MYO5C: variants seen among roughly 807,000 people sequenced by gnomAD.
MYO5C encodes unconventional myosin-Vc.
MYO5C carries 194 observed loss-of-function variants against 235.7 expected under a neutral mutation model. The ratio of observed to expected loss-of-function variants is 0.82; its 90% CI spans 0.73 to 0.93. The LOEUF (loss-of-function observed/expected upper bound fraction) is 0.93, where lower values mean the gene tolerates loss of function less well. MYO5C is among the 40% of genes least tolerant of loss of function. The pLI, the probability that MYO5C is intolerant of heterozygous loss-of-function variation, is 0.00. For synonymous variants in MYO5C, 707 were observed against 754.8 expected (o/e 0.94, Z 1.04); for missense variants, 2,038 against 2,127.2 (o/e 0.96, Z 0.82).
intron 14 of MYO5C, 62 bp downstream of exon 14, chr15:52,248,638 A>G: frequency 8.7e-7 from 1 of 1,153,522 alleles, no homozygotes; most frequent in Non-Finnish European, 1.3e-6. Flanking sequence ...CTCTTTCCTT[A>G]TATACATCTA....
chr15:52,277,721 T>A (rs952269206), intron 4 of MYO5C: 1 of 399,854 alleles, frequency 2.5e-6, no homozygotes, highest in Non-Finnish European at 4.9e-6. Context: ...TCCCTGAGGA[T>A]GACGGCCCCA....
intron 5 of MYO5C, among the ~76,000 whole-genome samples, chr15:52,273,472 T>A (rs567056313): frequency 3.9e-4 from 60 of 152,370 alleles, no homozygotes; most frequent in African/African-American, 1.4e-3. Context: ...TATGTATTGG[T>A]ATCATAAGGT....
At chr15:52,204,791 C>T (rs1161697565) in intron 38 of MYO5C, 74 bp downstream of exon 38, 7 of 1,523,964 alleles carry the variant, frequency 4.6e-6, no homozygotes, top group Admixed American at 3.8e-5. Flanking sequence ...GAGGGTCAGG[C>T]GCGTGGGGCC....
intron 1 of MYO5C, among the ~76,000 whole-genome samples, chr15:52,287,264 G>A (rs2037296133): frequency 6.6e-6 from 1 of 152,202 alleles, no homozygotes; most frequent in Admixed American, 6.5e-5. Context: ...ACACACTCTT[G>A]TGCAGATAGG....
At chr15:52,217,665 C>G (rs976087079) in intron 32 of MYO5C, among the ~76,000 whole-genome samples, 1 of 152,190 alleles carries the variant, frequency 6.6e-6, no homozygotes, top group African/African-American at 2.4e-5. Flanking sequence ...ATGTCAAACT[C>G]CTGGAATTTC....
At position 52,288,557 on chromosome 15, in the gene MYO5C, G is replaced by A. The variant is rs1427019756; in HGVS notation, c.28-5665C>T. Among the ~76,000 whole-genome samples, 6 of 152,144 alleles carry A rather than the reference G, an allele frequency of 3.9e-5. No individual in the cohort carries two copies. In the South Asian group the frequency reaches 6.2e-4, roughly 16 times the overall value. ...AACAACGGTGAGTTTACTCAGCTCC[G>A]GGTAAGTTCCACCCATTCATTCCTG... On this transcript the variant is annotated intron_variant, in intron 1 of 40. Transcript: ENST00000261839.
At chr15:52,285,282 C>A (rs1051428559) in intron 1 of MYO5C, among the ~76,000 whole-genome samples, 1 of 151,992 alleles carries the variant, frequency 6.6e-6, no homozygotes, top group Non-Finnish European at 1.5e-5. Flanking sequence ...GCAGGATAAT[C>A]GCTTGAACCC....
chr15:52,227,397 C>T (rs899044820), intron 25 of MYO5C, among the ~76,000 whole-genome samples: 1 of 150,206 alleles, frequency 6.7e-6, no homozygotes, highest in Non-Finnish European at 1.5e-5. Flanking sequence ...TGGGGTTTCA[C>T]CGTGTTAACT....
intron 2 of MYO5C, 147 bp downstream of exon 2, chr15:52,282,634 AC>A (rs2037182484): frequency 1.6e-6 from 1 of 643,416 alleles, no homozygotes; most frequent in African/African-American, 1.8e-5. Flanking sequence ...GAGTCCCGGC[AC>A]CAGGAGGCCA....
intron 8 of MYO5C, 54 bp downstream of exon 8, chr15:52,269,699 T>TC: frequency 7.5e-7 from 1 of 1,341,574 alleles, no homozygotes; most frequent in Non-Finnish European, 1.1e-6. Context: ...CCTTAATTTT[T>TC]TTTTTTTTTT....
intron 19 of MYO5C, chr15:52,242,757 G>A (rs1377999034): frequency 6.6e-6 from 1 of 152,362 alleles, no homozygotes; most frequent in Non-Finnish European, 1.5e-5. Context: ...ATCTGTAAGT[G>A]AGAGGGGAAA....
intron 7 of MYO5C, 149 bp downstream of exon 7, chr15:52,271,614 T>C: frequency 4.4e-6 from 2 of 452,446 alleles, no homozygotes; most frequent in Non-Finnish European, 3.9e-6. Flanking sequence ...TCCCCTTAAT[T>C]AGATGCACCA....
At position 52,282,885 on chromosome 15, in the gene MYO5C, C is replaced by G; in HGVS notation, c.35G>C (p.Arg12Thr). The stretch of plus-strand genomic sequence containing the variant: ...TTCTTCAGGATCGGGAATCCAGACC[C>G]TGTTGTACTGACCAACAGGATGAGA... ...AVAELYTQYN[R>T]VWIPDPEEVW... is the part of the protein sequence containing the mutation. Residue 12 changes from arginine (R) to threonine (T), a missense_variant, in exon 2 of 41, where the codon AGG (arginine) becomes ACG (threonine). By Grantham distance (71) the Arg-to-Thr change is moderately conservative. Coordinates refer to ENST00000261839, the MANE Select transcript of MYO5C (RefSeq NM_018728.4). The G allele has an allele frequency of 6.2e-7, 1 of 1,608,076 alleles. No homozygotes were observed. The highest frequency in any genetic ancestry group is 8.5e-7 in the Non-Finnish European group (1 of 1,174,442).
intron 34 of MYO5C, 79 bp from the exon 35 acceptor site, chr15:52,211,963 G>A: frequency 1.4e-6 from 2 of 1,466,310 alleles, no homozygotes; most frequent in Middle Eastern, 4.7e-4. Flanking sequence ...AGGGGCAGGG[G>A]CTTGTTTGCT....
At chr15:52,261,783 A>T (rs1232591636) in intron 9 of MYO5C, among the ~76,000 whole-genome samples, 3 of 152,228 alleles carry the variant, frequency 2.0e-5, no homozygotes, top group Non-Finnish European at 4.4e-5. Flanking sequence ...ATTTCCCTTC[A>T]GCCAGTGTGG....
At chr15:52,218,359 C>T (rs1372797579) in intron 32 of MYO5C, among the ~76,000 whole-genome samples, 160 bp downstream of exon 32, 1 of 152,216 alleles carries the variant, frequency 6.6e-6, no homozygotes, top group Non-Finnish European at 1.5e-5. Context: ...CCAAAGCCAA[C>T]CTCAGAGACC....
At chr15:52,245,642 G>A (rs764251785) in intron 17 of MYO5C, among the ~76,000 whole-genome samples, 177 bp from the exon 18 acceptor site, 9 of 152,172 alleles carry the variant, frequency 5.9e-5, no homozygotes, top group Non-Finnish European at 1.2e-4. Flanking sequence ...AGACCACCCT[G>A]AGCACTCCTG....
At chr15:52,271,718 C>T (rs371210713) in intron 7 of MYO5C, 45 bp downstream of exon 7, 2 of 1,093,396 alleles carry the variant, frequency 1.8e-6, no homozygotes, top group African/African-American at 1.6e-5. Context: ...AGAATTTAAG[C>T]CCTCCATAAA....
chr15:52,274,431 C>A (rs1421945628), intron 5 of MYO5C, among the ~76,000 whole-genome samples: 1 of 152,132 alleles, frequency 6.6e-6, no homozygotes, highest in African/African-American at 2.4e-5. Flanking sequence ...ACATGTGCCA[C>A]TATACCTGGC....
Sources: allele counts gnomAD v4.1 joint callset (sites outside exome capture counted in the v4.1 genomes callset), GRCh38; gene constraint gnomAD v4.1.1; transcripts MANE v1.5; gene names NCBI Gene and HGNC (gene_info 2026-07-23, HGNC 2026-07-21).